PTPRD: variants seen among roughly 807,000 people sequenced by gnomAD.
The protein encoded by PTPRD is receptor-type tyrosine-protein phosphatase delta.
A neutral mutation model predicts 214.5 loss-of-function variants in PTPRD; 34 were observed. The observed-to-expected ratio is 0.16, with a 90% CI of 0.12 to 0.21. The LOEUF (loss-of-function observed/expected upper bound fraction) is 0.21. PTPRD is among the 10% of genes least tolerant of loss of function. The probability of loss-of-function intolerance (pLI) is 1.00; values close to 1 mark genes in which losing one functional copy is unlikely to be tolerated. For missense variants in PTPRD, 2,545 were observed against 2,398.7 expected (o/e 1.06, Z -1.27); for synonymous variants, 1,128 against 845.7 (o/e 1.33, Z -5.79).
intron 11 of PTPRD, among the ~76,000 whole-genome samples, chr9:8,771,654 A>G (rs1210454890): frequency 1.3e-5 from 2 of 152,192 alleles, no homozygotes; most frequent in African/African-American, 4.8e-5. Flanking sequence ...AATTTACTCA[A>G]AGTTCCAAAG....
chr9:9,419,128 T>TACACACACACAC lies in PTPRD; in HGVS notation c.-236-21658_-236-21647dup, dbSNP rs142908778. On this transcript the variant is annotated intron_variant, in intron 8 of 45. Transcript: ENST00000381196. Reference sequence around the variant, plus strand: ...ATGAATTCTAAAGATAGGCCCCTTATACACACACACACACACACACACACA... The same window carrying TACACACACACAC: ...ATGAATTCTAAAGATAGGCCCCTTATACACACACACACACACACACACACACACACACACACA... Among the ~76,000 whole-genome samples, 578 of 139,968 alleles carry TACACACACACAC rather than the reference T, an allele frequency of 4.1e-3. 3 individuals are homozygous for TACACACACACAC. The highest frequency in any genetic ancestry group is 0.032 in the Middle Eastern group (9 of 284). The allele number at this position is 139,968 out of a possible 152,430, so 91.8% of individuals were successfully genotyped here.
intron 9 of PTPRD, among the ~76,000 whole-genome samples, chr9:9,214,273 T>C (rs2099950723): frequency 6.6e-6 from 1 of 152,214 alleles, no homozygotes; most frequent in Non-Finnish European, 1.5e-5. Flanking sequence ...TTCCCCGATA[T>C]GGTCCAGTGG....
intron 11 of PTPRD, among the ~76,000 whole-genome samples, chr9:8,775,002 G>C (rs2095411663): frequency 1.3e-5 from 2 of 152,050 alleles, no homozygotes; most frequent in Admixed American, 1.3e-4. Flanking sequence ...GCAACAGAAA[G>C]GAACAATTTT....
chr9:10,000,098 A>T (rs2154091676), intron 4 of PTPRD, among the ~76,000 whole-genome samples: 1 of 152,346 alleles, frequency 6.6e-6, no homozygotes, highest in South Asian at 2.1e-4. Flanking sequence ...TGCAAGTTAT[A>T]AAAATTGCCT....
intron 14 of PTPRD, among the ~76,000 whole-genome samples, chr9:8,626,570 C>A (rs1397417503): frequency 6.6e-6 from 1 of 151,700 alleles, no homozygotes; most frequent in Non-Finnish European, 1.5e-5. Context: ...TTTTTGGATG[C>A]GATTAACATT....
intron 5 of PTPRD, 51 bp downstream of exon 5, chr9:9,938,456 T>C (rs2090340772): frequency 1.3e-5 from 2 of 152,234 alleles, no homozygotes; most frequent in Admixed American, 6.5e-5. Flanking sequence ...GTCCAAAAAA[T>C]ACACATCTTG....
At chr9:9,474,683 T>G (rs1186485727) in intron 8 of PTPRD, among the ~76,000 whole-genome samples, 1 of 27,204 alleles carries the variant, frequency 3.7e-5, no homozygotes, top group African/African-American at 8.4e-5. Context: ...ATTCCTAGGG[T>G]TTTTTTTGTA....
rs922675213 is a variant in PTPRD, at chr9:8,472,948, T to C, written c.3414-1863A>G. Among the ~76,000 whole-genome samples the C allele has an allele frequency of 9.9e-5, 15 of 152,122 alleles. No individual in the cohort carries two copies. The East Asian group carries it at 2.5e-3, about 26-fold the overall frequency. On this transcript the variant is annotated intron_variant, in intron 30 of 45. Coordinates refer to ENST00000381196, the MANE Select transcript of PTPRD (RefSeq NM_002839.4). ...TACGTGAGTAAAAAATACCAGGCTGTGATATGGGGGGAAATAAACCAGAGG... is the reference window on the plus strand; with the variant it reads ...TACGTGAGTAAAAAATACCAGGCTGCGATATGGGGGGAAATAAACCAGAGG...
At chr9:9,260,315 A>C (rs2099979526) in intron 9 of PTPRD, among the ~76,000 whole-genome samples, 1 of 151,876 alleles carries the variant, frequency 6.6e-6, no homozygotes, top group Non-Finnish European at 1.5e-5. Context: ...TTGACTCCAA[A>C]GACTACTGTA....
At chr9:9,502,602 TA>T (rs1456028032) in intron 8 of PTPRD, among the ~76,000 whole-genome samples, 1 of 151,836 alleles carries the variant, frequency 6.6e-6, no homozygotes, top group African/African-American at 2.4e-5. Context: ...CCAAGAGAAA[TA>T]AAAACATTTG....
intron 8 of PTPRD, among the ~76,000 whole-genome samples, chr9:9,570,840 C>T (rs2086153878): frequency 6.6e-6 from 1 of 151,524 alleles, no homozygotes; most frequent in Non-Finnish European, 1.5e-5. Context: ...CCAAGCTCTT[C>T]AAATATCCAA....
chr9:9,557,177 G>A (rs918053686), intron 8 of PTPRD, among the ~76,000 whole-genome samples: 9 of 152,122 alleles, frequency 5.9e-5, no homozygotes, highest in Non-Finnish European at 1.3e-4. Context: ...CCTCCTCTCA[G>A]CCAAGGCATT....
At chr9:9,393,793 T>C (rs1443768815) in intron 9 of PTPRD, among the ~76,000 whole-genome samples, 2 of 152,146 alleles carry the variant, frequency 1.3e-5, no homozygotes, top group Non-Finnish European at 2.9e-5. Flanking sequence ...AAATACTGAA[T>C]ATAAATAATT....
At chr9:8,484,605 G>GATATATATATATATAT (rs1392070274) in intron 29 of PTPRD, among the ~76,000 whole-genome samples, 3 of 121,428 alleles carry the variant, frequency 2.5e-5, no homozygotes, top group African/African-American at 1.1e-4. Context: ...AATACACAAA[G>GATATATATATATATAT]ATAGATATAT....
intron 3 of PTPRD, among the ~76,000 whole-genome samples, chr9:10,206,942 A>G (rs780309174): frequency 1.3e-5 from 2 of 152,174 alleles, no homozygotes; most frequent in Non-Finnish European, 2.9e-5. Context: ...AGATTTGCAT[A>G]TTGTTCAGTT....
chr9:8,642,571 G>C (rs1296720541), intron 12 of PTPRD, among the ~76,000 whole-genome samples: 4 of 152,112 alleles, frequency 2.6e-5, no homozygotes, highest in Non-Finnish European at 5.9e-5. Flanking sequence ...TTCTTTCTCT[G>C]TAAGCGTCAG....
At chr9:9,634,390 A>G (rs2095688120) in intron 7 of PTPRD, among the ~76,000 whole-genome samples, 1 of 152,180 alleles carries the variant, frequency 6.6e-6, no homozygotes, top group African/African-American at 2.4e-5. Context: ...TTGCAATGCT[A>G]GAAATATCAG....
chr9:9,191,955 G>C (rs2099935468), intron 9 of PTPRD, among the ~76,000 whole-genome samples: 1 of 151,994 alleles, frequency 6.6e-6, no homozygotes, highest in Non-Finnish European at 1.5e-5. Flanking sequence ...ATTTTTATTA[G>C]ACCATTTTCA....
chr9:9,095,112 G>A (rs2099781638), intron 10 of PTPRD, among the ~76,000 whole-genome samples: 1 of 152,030 alleles, frequency 6.6e-6, no homozygotes, highest in Non-Finnish European at 1.5e-5. Context: ...CTAATAGGTG[G>A]TAATTATATA....
Sources: gnomAD v4.1 joint callset for allele counts (sites outside exome capture counted in the v4.1 genomes callset) on GRCh38, gnomAD v4.1.1 for gene constraint, MANE v1.5 for transcripts, NCBI Gene and HGNC (gene_info 2026-07-23, HGNC 2026-07-21) for gene names.